Variants in IPP observed in about 807,000 individuals in gnomAD.
The protein encoded by IPP is intracisternal A particle-promoted polypeptide, also known as actin-binding protein IPP.
IPP carries 41 observed loss-of-function variants against 64.1 expected under a neutral mutation model. The observed-to-expected ratio is 0.64, with a 90% confidence interval of 0.50 to 0.83. The LOEUF is 0.83. IPP is among the 40% of genes least tolerant of loss of function. The pLI, the probability that IPP is intolerant of heterozygous loss-of-function variation, is 0.00. For missense variants in IPP, 649 were observed against 703.0 expected (o/e 0.92, Z 0.87); for synonymous variants, 214 against 235.2 (o/e 0.91, Z 0.83).
At position 45,740,764 on chromosome 1, in the gene IPP, T is replaced by TA. The variant is rs957433447; in HGVS notation, c.724+136dup. The TA allele has an allele frequency of 2.0e-4, 115 of 568,408 alleles. 1 individual carries two copies. In the African/African-American group the frequency reaches 2.0e-3, roughly 10 times the overall value. The allele number at this position is 568,408 out of a possible 1,614,324, so 35.2% of individuals were successfully genotyped here. ...TGTATCTTAATCATTCAATACATTT[T>TA]AAAAAAAGAAAAAAAAAGAGTAATC... is the stretch of plus-strand genomic sequence containing the variant. On this transcript the variant is annotated intron_variant, in intron 3 of 8. Coordinates refer to ENST00000396478, the MANE Select transcript of IPP (RefSeq NM_005897.3).
intron 8 of IPP, among the ~76,000 whole-genome samples, chr1:45,713,431 A>G (rs1645617267): frequency 6.6e-6 from 1 of 152,048 alleles, no homozygotes; most frequent in Non-Finnish European, 1.5e-5. Context: ...ATGGTGGCGC[A>G]TGCCTGAAAT....
chr1:45,725,453 C>G (rs1237762361), intron 5 of IPP, among the ~76,000 whole-genome samples: 1 of 143,452 alleles, frequency 7.0e-6, no homozygotes, highest in East Asian at 2.2e-4. Flanking sequence ...CCGCCCCATC[C>G]GGGAGGGAGG....
At chr1:45,698,547 A>G (rs2148543678), downstream of IPP, among the ~76,000 whole-genome samples, 1 of 152,194 alleles carries the variant, frequency 6.6e-6, no homozygotes, top group Non-Finnish European at 1.5e-5. Context: ...AGTACCTACA[A>G]TTTAGCCCTC....
intron 6 of IPP, among the ~76,000 whole-genome samples, chr1:45,718,139 T>C (rs997570945): frequency 5.9e-5 from 9 of 152,178 alleles, no homozygotes; most frequent in Non-Finnish European, 1.3e-4. Context: ...ATAAAAATAA[T>C]ATAGTACAGA....
intron 5 of IPP, among the ~76,000 whole-genome samples, chr1:45,721,369 A>G (rs1645728844): frequency 6.6e-6 from 1 of 152,216 alleles, no homozygotes; most frequent in African/African-American, 2.4e-5. Context: ...TGTGCTAGGA[A>G]GAAGGAGGCT....
intron 3 of IPP, among the ~76,000 whole-genome samples, chr1:45,732,280 T>C (rs1000987159): frequency 1.2e-4 from 17 of 143,720 alleles, no homozygotes; most frequent in Admixed American, 1.1e-3. Flanking sequence ...GAGAACCGCT[T>C]GAACCCGGGA....
At chr1:45,696,550 G>A (rs1645389773), downstream of IPP, among the ~76,000 whole-genome samples, 1 of 152,216 alleles carries the variant, frequency 6.6e-6, no homozygotes, top group East Asian at 1.9e-4. Flanking sequence ...GGAGGCCAAG[G>A]CAGGCAGATC....
chr1:45,708,914 A>G (rs1569958764), intron 8 of IPP, among the ~76,000 whole-genome samples: 3 of 150,618 alleles, frequency 2.0e-5, no homozygotes, highest in Admixed American at 6.7e-5. Flanking sequence ...GGTACCTGTA[A>G]TCTCAGCTAC....
chr1:45,714,592 T>G lies in IPP; in HGVS notation c.1310-126A>C, dbSNP rs994419273. The G allele has an allele frequency of 2.3e-5, 15 of 645,184 alleles. No individual in the cohort carries two copies. The East Asian group carries it at 4.1e-4, about 18-fold the overall frequency. The allele number at this position is 645,184 out of a possible 1,614,324, so 40.0% of individuals were successfully genotyped here. On this transcript the variant is annotated intron_variant, in intron 7 of 8. Coordinates refer to ENST00000396478, the MANE Select transcript of IPP (RefSeq NM_005897.3). ...TTTAATCTAGGGCTTACATTATTAT[T>G]TAAGAGAGAAAATCAACTTTGTCAA...
At chr1:45,750,135 G>A (rs1330238001) in intron 1 of IPP, among the ~76,000 whole-genome samples, 1 of 152,192 alleles carries the variant, frequency 6.6e-6, no homozygotes, top group African/African-American at 2.4e-5. Flanking sequence ...TGAATTCACT[G>A]CTGGGAACAT....
chr1:45,720,054 A>G (rs115092994), intron 5 of IPP, among the ~76,000 whole-genome samples: 3,671 of 149,650 alleles, frequency 0.025, 64 homozygotes, highest in Non-Finnish European at 0.038. Flanking sequence ...AGATACCCAA[A>G]TTTTCATGTT....
chr1:45,695,034 C>A (rs1373808476), downstream of IPP: 1 of 152,458 alleles, frequency 6.6e-6, no homozygotes, highest in African/African-American at 2.4e-5. Flanking sequence ...ATTATAGGCA[C>A]GTGCCACCAT....
At chr1:45,747,112 GCA>G (rs1007249932) in intron 1 of IPP, among the ~76,000 whole-genome samples, 1 of 149,938 alleles carries the variant, frequency 6.7e-6, no homozygotes, top group African/African-American at 2.4e-5. Flanking sequence ...GCATGCGCGC[GCA>G]CACGAGCGCG....
chr1:45,695,165 T>TTTTTG (rs202093878), downstream of IPP, among the ~76,000 whole-genome samples: 28 of 152,058 alleles, frequency 1.8e-4, no homozygotes, highest in African/African-American at 6.3e-4. Flanking sequence ...TGTGTTTTTG[T>TTTTTG]TTTTGTTTTG....
At chr1:45,740,827 A>G in intron 3 of IPP, 74 bp downstream of exon 3, 2 of 966,146 alleles carry the variant, frequency 2.1e-6, no homozygotes, top group Non-Finnish European at 3.0e-6. Flanking sequence ...AAAAATGAAA[A>G]CACTCTCCCA....
chr1:45,725,726 T>C, intron 5 of IPP, among the ~76,000 whole-genome samples: 1 of 139,856 alleles, frequency 7.2e-6, no homozygotes, highest in Non-Finnish European at 1.6e-5. Flanking sequence ...GGGAGACTTT[T>C]CATTTTGTTC....
intron 3 of IPP, 82 bp from the exon 4 acceptor site, chr1:45,729,851 C>T (rs532080124): frequency 7.2e-5 from 57 of 789,088 alleles, no homozygotes; most frequent in Admixed American, 6.9e-5. Flanking sequence ...AGATAAGATA[C>T]ATTTAACCAT....
chr1:45,746,414 T>A lies in IPP; in HGVS notation c.-3A>T, dbSNP rs1355203811. ...TTGGGACAGTCCTCATTAGCCATGATGACGGTAGATTAATTAAAAGGACTG... is the reference window on the plus strand; with the variant it reads ...TTGGGACAGTCCTCATTAGCCATGAAGACGGTAGATTAATTAAAAGGACTG... On this transcript the variant is annotated 5_prime_UTR_variant, in exon 2 of 9. Transcript: ENST00000396478. 6.3e-7 allele frequency: 1 copy of A among 1,599,058 alleles called. No individual in the cohort carries two copies. The highest frequency in any genetic ancestry group is 8.6e-7 in the Non-Finnish European group (1 of 1,167,866).
intron 2 of IPP, among the ~76,000 whole-genome samples, chr1:45,741,863 T>C (rs1557761130): frequency 6.9e-6 from 1 of 145,926 alleles, no homozygotes; most frequent in African/African-American, 2.5e-5. Flanking sequence ...CTCCTGACCT[T>C]GTGATCCGCC....
Sources: allele counts gnomAD v4.1 joint callset (sites outside exome capture counted in the v4.1 genomes callset), GRCh38; gene constraint gnomAD v4.1.1; transcripts MANE v1.5; gene names NCBI Gene and HGNC (gene_info 2026-07-23, HGNC 2026-07-21).